Variants in WSCD2 observed in about 807,000 individuals in gnomAD.
WSCD2 encodes the protein sialate:O-sulfotransferase 2.
WSCD2 carries 28 observed loss-of-function variants against 55.7 expected under a neutral mutation model. The ratio of observed to expected loss-of-function variants is 0.50; its 90% CI spans 0.37 to 0.69. WSCD2 has a LOEUF of 0.69. WSCD2 is among the 30% of genes least tolerant of loss of function. WSCD2 has a pLI of 0.00. For missense variants in WSCD2, 616 were observed against 762.1 expected, an observed-to-expected ratio of 0.81 and a Z score of 2.26; for synonymous variants, 301 against 301.9, an observed-to-expected ratio of 1.00 and a Z score of 0.03.
chr12:108,175,269 T>C (rs904131572), intron 1 of WSCD2, among the ~76,000 whole-genome samples: 3 of 152,096 alleles, frequency 2.0e-5, no homozygotes, highest in African/African-American at 7.2e-5. Context: ...GCCCAAAATG[T>C]CAGTAGTGCA....
At chr12:108,130,568 C>T (rs1201851771) in intron 1 of WSCD2, among the ~76,000 whole-genome samples, 2 of 151,698 alleles carry the variant, frequency 1.3e-5, no homozygotes, top group Non-Finnish European at 2.9e-5. Flanking sequence ...TCAGCCAAAT[C>T]GCCTCCTTGC....
At chr12:108,140,595 G>A (rs1027231782) in intron 1 of WSCD2, among the ~76,000 whole-genome samples, 6 of 152,260 alleles carry the variant, frequency 3.9e-5, no homozygotes, top group Admixed American at 3.9e-4. Flanking sequence ...AGTAGCTGGG[G>A]GCCCACACAG....
intron 3 of WSCD2, among the ~76,000 whole-genome samples, chr12:108,208,570 C>CA: frequency 6.6e-6 from 1 of 152,228 alleles, no homozygotes; most frequent in African/African-American, 2.4e-5. Context: ...ACAGCATGCT[C>CA]AAAGGCCAGG....
Position 108,210,091 on chromosome 12 carries a change from G to T in WSCD2, c.498-30G>T. 6.2e-7 allele frequency: 1 copy of T among 1,613,846 alleles called. No homozygotes were observed. Among genetic ancestry groups the T allele is most frequent in the Non-Finnish European group, 8.5e-7 (1 of 1,179,912 alleles). ...CTGCCTCGGGGTCTCCATGGTGGCA[G>T]CTACCCTGCTTGACAGCAGCCTCCC... is the stretch of plus-strand genomic sequence containing the variant. On this transcript the variant is annotated intron_variant, in intron 3 of 8. Coordinates refer to ENST00000547525, the MANE Select transcript of WSCD2 (RefSeq NM_014653.4). This position sits in a 1 kb window ranked among gnomAD's most constrained non-coding sequence, Gnocchi z 4.3.
intron 1 of WSCD2, among the ~76,000 whole-genome samples, chr12:108,190,503 AC>A: frequency 6.6e-6 from 1 of 151,952 alleles, no homozygotes; most frequent in East Asian, 1.9e-4. Context: ...ATTCTGGCCT[AC>A]CCTAGCCAAT....
intron 8 of WSCD2, among the ~76,000 whole-genome samples, chr12:108,243,933 ATAGAGT>A (rs2137242640): frequency 6.6e-6 from 1 of 152,308 alleles, no homozygotes; most frequent in South Asian, 2.1e-4. Context: ...TTTTGGTTCC[ATAGAGT>A]TAATTTTACA....
intron 1 of WSCD2, among the ~76,000 whole-genome samples, chr12:108,150,910 C>T (rs975788581): frequency 6.6e-6 from 1 of 152,112 alleles, no homozygotes; most frequent in African/African-American, 2.4e-5. Flanking sequence ...TGCAGCCTGG[C>T]TTCGGTCCCC....
In WSCD2 at chr12:108,155,373, C is replaced by T. The variant is rs144841696; in HGVS notation, c.-552+25447C>T. Among the ~76,000 whole-genome samples, 1,276 of 152,238 alleles carry T rather than the reference C, an allele frequency of 8.4e-3. 8 individuals are homozygous for T. The highest frequency in any genetic ancestry group is 0.013 in the Non-Finnish European group (889 of 68,022). ...ATATGCATACACCAATCAGGGCTCT[C>T]AGCAGGGAGACAAAATTTTATTCAG... On this transcript the variant is annotated intron_variant, in intron 1 of 8. Coordinates refer to ENST00000547525, the MANE Select transcript of WSCD2 (RefSeq NM_014653.4).
chr12:108,203,277 A>T (rs1884939416), intron 2 of WSCD2, among the ~76,000 whole-genome samples: 2 of 152,142 alleles, frequency 1.3e-5, no homozygotes, highest in South Asian at 4.1e-4. Flanking sequence ...TTTTTAAATG[A>T]ATAATTGGTG....
chr12:108,242,605 A>G (rs2137238064), intron 8 of WSCD2, among the ~76,000 whole-genome samples: 1 of 152,242 alleles, frequency 6.6e-6, no homozygotes, highest in East Asian at 1.9e-4. Context: ...CCTGGACATC[A>G]GTATATTTTT....
intron 1 of WSCD2, among the ~76,000 whole-genome samples, chr12:108,159,186 A>T (rs1054833567): frequency 6.6e-6 from 1 of 152,134 alleles, no homozygotes; most frequent in African/African-American, 2.4e-5. Flanking sequence ...ATAGGACATC[A>T]TCTTCTCAGG....
chr12:108,235,667 C>A (rs866263964), intron 7 of WSCD2, among the ~76,000 whole-genome samples: 1 of 152,114 alleles, frequency 6.6e-6, no homozygotes, highest in Non-Finnish European at 1.5e-5. Flanking sequence ...AAACATAACC[C>A]CCCTGTGGCA....
chr12:108,135,487 C>A (rs1876095141), intron 1 of WSCD2, among the ~76,000 whole-genome samples: 1 of 152,204 alleles, frequency 6.6e-6, no homozygotes, highest in African/African-American at 2.4e-5. Context: ...ATGCTGGAAG[C>A]CATAATAAAC....
In WSCD2 at chr12:108,129,716, C is replaced by T. The variant is rs530389514; in HGVS notation, c.-762C>T. 3.3e-5 allele frequency: 5 copies of T among 152,498 alleles called. No individual in the cohort carries two copies. Among genetic ancestry groups the T allele is most frequent in the African/African-American group, 1.2e-4 (5 of 41,594 alleles). 9.4% of individuals were successfully genotyped at this position (152,498 alleles called of 1,614,324 possible). A position where few individuals can be genotyped will look rare whatever the true frequency, so the allele number is the denominator to read the frequency against. ...GAGGCGCAGAGGATGCCCCTTGAGC[C>T]AGACCTGGAGAAATAGCCCCAGGGC... On this transcript the variant is annotated 5_prime_UTR_variant, in exon 1 of 9. Coordinates refer to ENST00000547525, the MANE Select transcript of WSCD2 (RefSeq NM_014653.4).
intron 1 of WSCD2, among the ~76,000 whole-genome samples, chr12:108,180,732 T>C (rs1384013184): frequency 1.3e-5 from 2 of 152,198 alleles, no homozygotes; most frequent in Non-Finnish European, 2.9e-5. Flanking sequence ...CTCCTCCAAC[T>C]CTCACAACTA....
At chr12:108,212,611 T>TCACAGACACA (rs1290412170) in intron 4 of WSCD2, among the ~76,000 whole-genome samples, 1 of 110,638 alleles carries the variant, frequency 9.0e-6, no homozygotes, top group African/African-American at 3.6e-5. Context: ...TCTCTCTCTC[T>TCACAGACACA]CTCACACACA....
intron 4 of WSCD2, among the ~76,000 whole-genome samples, chr12:108,215,335 C>T (rs1886698358): frequency 6.6e-6 from 1 of 152,192 alleles, no homozygotes; most frequent in Non-Finnish European, 1.5e-5. Flanking sequence ...CCAAGCCACT[C>T]GTTCTTTCTA....
At chr12:108,160,245 G>A (rs1338193865) in intron 1 of WSCD2, among the ~76,000 whole-genome samples, 2 of 152,128 alleles carry the variant, frequency 1.3e-5, no homozygotes, top group African/African-American at 4.8e-5. Context: ...GTCTGAGGGT[G>A]GACAGAGCTT....
chr12:108,230,836 G>A (rs1293648211), intron 6 of WSCD2, among the ~76,000 whole-genome samples: 1 of 152,180 alleles, frequency 6.6e-6, no homozygotes, highest in African/African-American at 2.4e-5. Flanking sequence ...CCCATAACCG[G>A]TCCAGGGCAG....
Sources: gnomAD v4.1 joint callset for allele counts (sites outside exome capture counted in the v4.1 genomes callset) on GRCh38, gnomAD v4.1.1 for gene constraint, Gnocchi (gnomAD v3.1) non-coding constraint, MANE v1.5 for transcripts, NCBI Gene and HGNC (gene_info 2026-07-23, HGNC 2026-07-21) for gene names.